The following RIMS2 variants were observed in gnomAD, a reference collection of about 807,000 sequenced individuals.
The protein encoded by RIMS2 is regulating synaptic membrane exocytosis protein 2.
Under a neutral mutation model 174.4 loss-of-function variants are expected in RIMS2, and 59 were observed. That is an observed-to-expected ratio of 0.34 (90% CI 0.27 to 0.42). The LOEUF is 0.42. RIMS2 is among the 10% of genes least tolerant of loss of function. RIMS2 has a pLI of 1.00. For missense variants in RIMS2, 1,620 were observed against 1,666.3 expected (o/e 0.97, Z 0.48); for synonymous variants, 606 against 572.5 (o/e 1.06, Z -0.84).
intron 14 of RIMS2, among the ~76,000 whole-genome samples, chr8:103,953,187 T>A (rs1226600510): frequency 6.6e-6 from 1 of 152,206 alleles, no homozygotes; most frequent in Non-Finnish European, 1.5e-5. Context: ...TTCAGGATAT[T>A]ATCCAGGAGA....
At chr8:103,754,396 G>A (rs146375802) in intron 2 of RIMS2, among the ~76,000 whole-genome samples, 147 of 152,320 alleles carry the variant, frequency 9.7e-4, no homozygotes, top group African/African-American at 3.2e-3. Context: ...TGAGAAGAAT[G>A]TATATTCTGT....
At chr8:103,994,344 A>G (rs2094932057) in intron 17 of RIMS2, among the ~76,000 whole-genome samples, 1 of 152,150 alleles carries the variant, frequency 6.6e-6, no homozygotes, top group Non-Finnish European at 1.5e-5. Context: ...ATTTTTTATC[A>G]TGAGCCTTAG....
intron 3 of RIMS2, among the ~76,000 whole-genome samples, chr8:103,873,929 G>A (rs1341742304): frequency 6.6e-6 from 1 of 151,854 alleles, no homozygotes; most frequent in Admixed American, 6.6e-5. Flanking sequence ...GAAAAGTTTA[G>A]GTTCAAGTAA....
intron 1 of RIMS2, among the ~76,000 whole-genome samples, chr8:103,696,459 T>A (rs2097101990): frequency 6.6e-6 from 1 of 152,156 alleles, no homozygotes; most frequent in Admixed American, 6.5e-5. Context: ...ATTGTAAATA[T>A]TTTAGAGCAT....
chr8:103,852,884 T>G (rs1350913488), intron 3 of RIMS2, among the ~76,000 whole-genome samples: 3 of 152,068 alleles, frequency 2.0e-5, no homozygotes, highest in Non-Finnish European at 4.4e-5. Context: ...ATGTGTCTTT[T>G]GGGTATAATG....
Position 103,765,245 on chromosome 8 carries a change from G to A in RIMS2, c.388-982G>A, listed in dbSNP as rs188291504. Among the ~76,000 whole-genome samples the A allele has an allele frequency of 2.2e-3, 339 of 152,192 alleles. 1 individual carries two copies. The highest frequency in any genetic ancestry group is 7.9e-3 in the African/African-American group (330 of 41,538). ...GCTTTTTAAATGATTAATTGAAAAG[G>A]ATTTTTCAGAAAAGGGTGAAGGGCT... On this transcript the variant is annotated intron_variant, in intron 2 of 23. Coordinates refer to ENST00000504942, the Ensembl canonical transcript of RIMS2.
chr8:103,752,161 T>C (rs571729324), intron 2 of RIMS2, among the ~76,000 whole-genome samples: 3,380 of 152,120 alleles, frequency 0.022, 45 homozygotes, highest in Non-Finnish European at 0.035. Flanking sequence ...TTTCAGCTTT[T>C]TACATATGGC....
intron 19 of RIMS2, among the ~76,000 whole-genome samples, chr8:104,025,396 G>A (rs1312312992): frequency 2.6e-5 from 4 of 152,134 alleles, no homozygotes; most frequent in African/African-American, 7.2e-5. Context: ...CTTGAGGCAG[G>A]AAGATCGCTG....
intron 16 of RIMS2, chr8:103,977,604 TCTGA>T (rs2093560888): frequency 6.6e-6 from 1 of 152,224 alleles, no homozygotes; most frequent in South Asian, 2.1e-4. Flanking sequence ...TCAGTTCAAT[TCTGA>T]CACTGTAATC....
chr8:103,853,866 G>T (rs577585350), intron 3 of RIMS2, among the ~76,000 whole-genome samples: 2 of 152,090 alleles, frequency 1.3e-5, no homozygotes, highest in South Asian at 2.1e-4. Context: ...GGCTATTCAG[G>T]CTCTTTTTTG....
At chr8:104,041,416 G>T in intron 19 of RIMS2, 58 bp downstream of exon 22, 1 of 653,338 alleles carries the variant, frequency 1.5e-6, no homozygotes, top group Non-Finnish European at 2.8e-6. Flanking sequence ...TCCTAGAAAT[G>T]TTTAATCATT....
intron 2 of RIMS2, among the ~76,000 whole-genome samples, chr8:103,757,750 G>C (rs575508778): frequency 1.7e-4 from 26 of 152,300 alleles, no homozygotes; most frequent in African/African-American, 6.3e-4. Context: ...TATCATCAGT[G>C]CATATGTATC....
intron 1 of RIMS2, among the ~76,000 whole-genome samples, chr8:103,651,056 C>T (rs916138937): frequency 1.3e-5 from 2 of 152,150 alleles, no homozygotes; most frequent in Middle Eastern, 3.2e-3. Flanking sequence ...TCTAAGCAGC[C>T]GCTCTGCCGA....
chr8:103,558,076 A>T (rs1205740546), intron 1 of RIMS2, among the ~76,000 whole-genome samples: 1 of 152,122 alleles, frequency 6.6e-6, no homozygotes, highest in Non-Finnish European at 1.5e-5. Flanking sequence ...TTATTTTTTT[A>T]ACAAGTCAGC....
At chr8:103,818,735 A>G (rs2098733469) in intron 3 of RIMS2, among the ~76,000 whole-genome samples, 1 of 152,190 alleles carries the variant, frequency 6.6e-6, no homozygotes, top group African/African-American at 2.4e-5. Context: ...AGAAAGGACC[A>G]GATTCAACAT....
chr8:103,867,425 C>A (rs1331703476), intron 3 of RIMS2, among the ~76,000 whole-genome samples: 1 of 151,580 alleles, frequency 6.6e-6, no homozygotes, highest in Admixed American at 6.6e-5. Context: ...TGTTTATAAT[C>A]CATTTTAAAT....
intron 16 of RIMS2, among the ~76,000 whole-genome samples, chr8:103,979,023 C>A (rs72683116): frequency 0.13 from 19,318 of 152,078 alleles, 1,705 homozygotes; most frequent in Non-Finnish European, 0.19. Context: ...AAAACATTGT[C>A]TCTGAATATT....
exon 6 of RIMS2, chr8:103,912,096 T>C (rs2075783063): frequency 6.2e-7 from 1 of 1,605,984 alleles, no homozygotes; most frequent in Non-Finnish European, 8.5e-7. Context: ...GATCGTTTAA[T>C]TGGTCGCATT....
intron 3 of RIMS2, among the ~76,000 whole-genome samples, chr8:103,831,283 T>C (rs2098824231): frequency 1.3e-5 from 2 of 152,182 alleles, no homozygotes; most frequent in Non-Finnish European, 1.5e-5. Context: ...TAGTCAATGA[T>C]TTTTTAAAAG....
Sources: gnomAD v4.1 joint callset for allele counts (sites outside exome capture counted in the v4.1 genomes callset) on GRCh38, gnomAD v4.1.1 for gene constraint, MANE v1.5 for transcripts, NCBI Gene and HGNC (gene_info 2026-07-23, HGNC 2026-07-21) for gene names.